Variants in LOXL2 observed in about 807,000 individuals in gnomAD.
The protein encoded by LOXL2 is lysyl oxidase homolog 2.
LOXL2 carries 70 observed loss-of-function variants against 93.0 expected under a neutral mutation model. The observed-to-expected ratio is 0.75, with a 90% CI of 0.62 to 0.92. LOXL2 has a LOEUF of 0.92. Among genes scored for constraint, LOXL2 ranks in the 40% least tolerant of loss-of-function variants. The probability of loss-of-function intolerance (pLI) is 0.00; values close to 1 mark genes in which losing one functional copy is unlikely to be tolerated. For missense variants in LOXL2, 973 were observed against 1,054.9 expected (o/e 0.92, Z 1.08); for synonymous variants, 438 against 413.2 (o/e 1.06, Z -0.73).
intron 1 of LOXL2, among the ~76,000 whole-genome samples, chr8:23,381,095 CTTTTT>C (rs55908148): frequency 6.9e-6 from 1 of 145,140 alleles, no homozygotes; most frequent in Non-Finnish European, 1.5e-5. Flanking sequence ...CCTCTCCAGT[CTTTTT>C]TTTTTTTGTA....
chr8:23,299,547 C>T (rs1049166927), intron 12 of LOXL2, among the ~76,000 whole-genome samples: 5 of 152,208 alleles, frequency 3.3e-5, no homozygotes, highest in Non-Finnish European at 7.3e-5. Flanking sequence ...CGCATCCCCC[C>T]AGCTACAGCA....
At chr8:23,394,527 A>G (rs1186739496) in intron 1 of LOXL2, among the ~76,000 whole-genome samples, 4 of 152,184 alleles carry the variant, frequency 2.6e-5, no homozygotes, top group Non-Finnish European at 5.9e-5. Flanking sequence ...CTCGTCATCA[A>G]GCAAACACAA....
At chr8:23,367,347 C>A (rs1348603540) in intron 2 of LOXL2, among the ~76,000 whole-genome samples, 1 of 152,160 alleles carries the variant, frequency 6.6e-6, no homozygotes, top group Admixed American at 6.5e-5. Context: ...CTGCGCCTGG[C>A]CAGCTCTTAA....
chr8:23,344,112 C>T (rs139271061), intron 3 of LOXL2, among the ~76,000 whole-genome samples: 14 of 152,316 alleles, frequency 9.2e-5, no homozygotes, highest in African/African-American at 3.4e-4. Flanking sequence ...TCAGCAGACC[C>T]CGCTGGAAAG....
chr8:23,321,077 GT>G (rs1333079762), intron 7 of LOXL2, among the ~76,000 whole-genome samples: 3 of 13,964 alleles, frequency 2.1e-4, no homozygotes, highest in African/African-American at 5.6e-4. Flanking sequence ...TTTATCTCTC[GT>G]CTCTCTCCAA....
chr8:23,392,888 AC>A (rs1442638835), intron 1 of LOXL2, among the ~76,000 whole-genome samples: 3 of 152,230 alleles, frequency 2.0e-5, no homozygotes, highest in Non-Finnish European at 4.4e-5. Context: ...ATATCAACAT[AC>A]AAAAATTAAC....
intron 1 of LOXL2, among the ~76,000 whole-genome samples, chr8:23,377,486 G>A: frequency 7.9e-6 from 1 of 126,118 alleles, no homozygotes; most frequent in Non-Finnish European, 1.7e-5. Context: ...TTCAATCCTG[G>A]ATATCCTTGT....
At chr8:23,377,438 T>C (rs1804611107) in intron 1 of LOXL2, among the ~76,000 whole-genome samples, 2 of 147,128 alleles carry the variant, frequency 1.4e-5, no homozygotes, top group South Asian at 4.4e-4. Flanking sequence ...TGGAGAGTTC[T>C]GTAGATGTCT....
At chr8:23,373,810 C>T (rs1804541277) in intron 1 of LOXL2, among the ~76,000 whole-genome samples, 1 of 152,048 alleles carries the variant, frequency 6.6e-6, no homozygotes, top group Admixed American at 6.6e-5. Flanking sequence ...CTGTCCCCCA[C>T]CGCGAAGCTC....
At chr8:23,385,597 TATTA>T (rs1460284855) in intron 1 of LOXL2, among the ~76,000 whole-genome samples, 5 of 152,120 alleles carry the variant, frequency 3.3e-5, no homozygotes, top group Admixed American at 1.3e-4. Flanking sequence ...AACTTATATT[TATTA>T]ATCATTAATC....
Position 23,303,740 on chromosome 8 carries a change from A to C in LOXL2, c.1881-343T>G, listed in dbSNP as rs113313313. On this transcript the variant is annotated intron_variant, in intron 10 of 13. Coordinates refer to ENST00000389131, the MANE Select transcript of LOXL2 (RefSeq NM_002318.3). ...GCACAGAACTCCAGCTATTGTTTTT[A>C]ATAAGCGTGCAACTGGCTCTCACAG... is the stretch of plus-strand genomic sequence containing the variant. Among the ~76,000 whole-genome samples, 978 of 152,262 alleles carry C rather than the reference A, an allele frequency of 6.4e-3. 10 individuals carry two copies. The highest frequency in any genetic ancestry group is 0.023 in the African/African-American group (943 of 41,526).
At chr8:23,350,569 T>C (rs1804075609) in intron 3 of LOXL2, among the ~76,000 whole-genome samples, 1 of 152,102 alleles carries the variant, frequency 6.6e-6, no homozygotes, top group African/African-American at 2.4e-5. Context: ...AAACTCCATC[T>C]CAACAAAAAA....
intron 9 of LOXL2, among the ~76,000 whole-genome samples, chr8:23,312,152 A>C (rs1160794102): frequency 6.6e-6 from 1 of 152,156 alleles, no homozygotes; most frequent in African/African-American, 2.4e-5. Context: ...TTGTGGCAAT[A>C]ATCAATAGCT....
At chr8:23,311,089 A>G (rs1046952762) in intron 9 of LOXL2, among the ~76,000 whole-genome samples, 2 of 152,208 alleles carry the variant, frequency 1.3e-5, no homozygotes, top group African/African-American at 4.8e-5. Context: ...ATTTTAAGCA[A>G]GCAGAGTCTG....
intron 9 of LOXL2, among the ~76,000 whole-genome samples, chr8:23,311,855 G>A (rs1803323442): frequency 6.6e-6 from 1 of 152,180 alleles, no homozygotes; most frequent in Non-Finnish European, 1.5e-5. Flanking sequence ...GTAACGGGAG[G>A]AACCTGTCGG....
chr8:23,300,387 C>A (rs1206508323), intron 12 of LOXL2, among the ~76,000 whole-genome samples: 1 of 152,214 alleles, frequency 6.6e-6, no homozygotes, highest in East Asian at 1.9e-4. Flanking sequence ...CACCAGGAGC[C>A]AGGAGGCCCC....
chr8:23,298,780 T>G, intron 13 of LOXL2, 56 bp downstream of exon 13: 26 of 1,113,338 alleles, frequency 2.3e-5, no homozygotes, highest in Non-Finnish European at 3.4e-5. Context: ...TCTGGGTCCT[T>G]GAGAAAGTAG....
chr8:23,323,514 T>G (rs1803530401), intron 6 of LOXL2, among the ~76,000 whole-genome samples: 1 of 152,252 alleles, frequency 6.6e-6, no homozygotes, highest in Non-Finnish European at 1.5e-5. Context: ...CTCCCACTTG[T>G]CTGAACTTTT....
At chr8:23,389,810 G>T (rs1804814031) in intron 1 of LOXL2, among the ~76,000 whole-genome samples, 1 of 152,236 alleles carries the variant, frequency 6.6e-6, no homozygotes, top group African/African-American at 2.4e-5. Context: ...CTGGCCTCCG[G>T]CAGGCCCCCA....
Sources: allele counts gnomAD v4.1 joint callset (sites outside exome capture counted in the v4.1 genomes callset), GRCh38; gene constraint gnomAD v4.1.1; transcripts MANE v1.5; gene names NCBI Gene and HGNC (gene_info 2026-07-23, HGNC 2026-07-21).